The following ZPBP variants were observed in gnomAD, a reference collection of about 807,000 sequenced individuals.
The protein encoded by ZPBP is zona pellucida-binding protein 1.
Under a neutral mutation model 44.8 loss-of-function variants are expected in ZPBP, and 26 were observed. That is an observed-to-expected ratio of 0.58 (90% CI 0.43 to 0.81). ZPBP has a LOEUF of 0.81. Ranked by LOEUF, ZPBP falls within the 30% of genes least tolerant of loss-of-function variation. The probability of loss-of-function intolerance (pLI) is 0.00; values close to 1 mark genes in which losing one functional copy is unlikely to be tolerated. For synonymous variants in ZPBP, 174 were observed against 153.2 expected, an observed-to-expected ratio of 1.14 and a Z score of -1.00; for missense variants, 409 against 434.0, an observed-to-expected ratio of 0.94 and a Z score of 0.51.
the ZPBP span, among the ~76,000 whole-genome samples, chr7:49,841,294 G>T: frequency 6.8e-6 from 1 of 146,528 alleles, no homozygotes; most frequent in Admixed American, 6.9e-5. Context: ...AACAGCCTAA[G>T]ATGTTTACAC....
intron 7 of ZPBP, among the ~76,000 whole-genome samples, chr7:49,941,502 A>C (rs993101361): frequency 1.1e-4 from 17 of 152,302 alleles, no homozygotes; most frequent in African/African-American, 4.1e-4. Context: ...GTACATTAAC[A>C]ATAAACAATC....
At chr7:50,006,237 A>T (rs938650640) in intron 6 of ZPBP, among the ~76,000 whole-genome samples, 2 of 152,018 alleles carry the variant, frequency 1.3e-5, no homozygotes, top group African/African-American at 4.8e-5. Context: ...ATTAGTATGT[A>T]AATAGAGAAC....
chr7:49,911,676 C>A (rs1431024121), intron 1 of ZPBP, among the ~76,000 whole-genome samples: 1 of 151,708 alleles, frequency 6.6e-6, no homozygotes, highest in Admixed American at 6.6e-5. Flanking sequence ...GTGGGTGGAT[C>A]ACTTGAAGTC....
At position 49,931,551 on chromosome 7, in the gene ZPBP, AT is replaced by A. The variant is rs369795703; in HGVS notation, n.411+4199del. Among the ~76,000 whole-genome samples the A allele has an allele frequency of 2.7e-3, 416 of 152,300 alleles. 3 individuals are homozygous for A. The highest frequency in any genetic ancestry group is 9.3e-3 in the African/African-American group (387 of 41,570). On this transcript the variant is annotated intron_variant and non_coding_transcript_variant, in intron 1 of 2. Transcript: ENST00000465922. ...TGGAACTTTGAACTTGAGAGAGATG[AT>A]TTACGGTACCCAGTGGAAGAACCTT...
chr7:49,906,112 G>C (rs569341163), intron 1 of ZPBP, among the ~76,000 whole-genome samples: 65 of 152,242 alleles, frequency 4.3e-4, no homozygotes, highest in African/African-American at 1.4e-3. Context: ...TTTGTCTACG[G>C]AGTAGCCATT....
chr7:49,992,436 A>G (rs1797613658), intron 6 of ZPBP, among the ~76,000 whole-genome samples: 1 of 152,178 alleles, frequency 6.6e-6, no homozygotes, highest in Admixed American at 6.6e-5. Context: ...TTGAAAACAC[A>G]TAATGAATGG....
At chr7:50,009,149 A>C (rs1470571758) in intron 6 of ZPBP, among the ~76,000 whole-genome samples, 6 of 150,908 alleles carry the variant, frequency 4.0e-5, no homozygotes, top group Non-Finnish European at 7.4e-5. Context: ...AGGCAGGATT[A>C]TCACTTGAAC....
At chr7:49,945,162 C>T (rs1795050910) in intron 7 of ZPBP, among the ~76,000 whole-genome samples, 1 of 152,028 alleles carries the variant, frequency 6.6e-6, no homozygotes, top group Admixed American at 6.6e-5. Context: ...TTCAAAATTC[C>T]TCTTGTTATT....
At chr7:50,044,080 A>C (rs1048515322) in intron 4 of ZPBP, among the ~76,000 whole-genome samples, 1 of 152,208 alleles carries the variant, frequency 6.6e-6, no homozygotes, top group African/African-American at 2.4e-5. Flanking sequence ...TAAATGACAA[A>C]ATTAAGGCAG....
At chr7:49,898,893 A>T (rs1416346595) in intron 2 of ZPBP, among the ~76,000 whole-genome samples, 1 of 152,132 alleles carries the variant, frequency 6.6e-6, no homozygotes, top group Non-Finnish European at 1.5e-5. Flanking sequence ...TAAAGTGCTA[A>T]ATTAAAGCCA....
chr7:50,058,205 C>T (rs1801067203), intron 3 of ZPBP, 64 bp from the exon 4 acceptor site: 1 of 1,549,160 alleles, frequency 6.5e-7, no homozygotes, highest in African/African-American at 1.4e-5. Context: ...AAAACATTTT[C>T]TCAGCAAGGT....
At chr7:49,857,009 C>CAAAAAA (rs59910243) in intron 2 of ZPBP, among the ~76,000 whole-genome samples, 8 of 52,764 alleles carry the variant, frequency 1.5e-4, no homozygotes, top group Non-Finnish European at 2.2e-4. Context: ...GATACTGTCT[C>CAAAAAA]AAAAAAAAAA....
At chr7:49,983,893 G>T (rs931941078) in intron 6 of ZPBP, among the ~76,000 whole-genome samples, 1 of 151,258 alleles carries the variant, frequency 6.6e-6, no homozygotes. Context: ...TTATCCTGAG[G>T]CACAACATCA....
At chr7:49,984,040 G>A (rs1274643220) in intron 6 of ZPBP, among the ~76,000 whole-genome samples, 1 of 151,882 alleles carries the variant, frequency 6.6e-6, no homozygotes, top group East Asian at 1.9e-4. Flanking sequence ...AATTATACTG[G>A]CTTGCCTCCT....
intron 4 of ZPBP, among the ~76,000 whole-genome samples, chr7:50,042,340 C>T (rs1300779555): frequency 1.3e-5 from 2 of 152,148 alleles, no homozygotes; most frequent in Non-Finnish European, 2.9e-5. Flanking sequence ...CAAAGATACT[C>T]CTCAAGAAGA....
chr7:49,942,887 A>G (rs979863956), intron 7 of ZPBP: 1 of 165,760 alleles, frequency 6.0e-6, no homozygotes, highest in Non-Finnish European at 1.3e-5. Flanking sequence ...TCCAGTGACT[A>G]TTCTCTTCTT....
At chr7:49,931,686 C>T (rs1178904420) in intron 1 of ZPBP, among the ~76,000 whole-genome samples, 1 of 152,184 alleles carries the variant, frequency 6.6e-6, no homozygotes, top group Non-Finnish European at 1.5e-5. Context: ...AAATTCAAGC[C>T]AGCTGCAGAA....
At chr7:49,972,971 T>C (rs1201170472) in intron 7 of ZPBP, among the ~76,000 whole-genome samples, 1 of 151,888 alleles carries the variant, frequency 6.6e-6, no homozygotes, top group East Asian at 1.9e-4. Flanking sequence ...GACTATTCCA[T>C]GGGTAAAAGA....
At chr7:49,950,485 A>C (rs769121297) in intron 7 of ZPBP, among the ~76,000 whole-genome samples, 1 of 151,810 alleles carries the variant, frequency 6.6e-6, no homozygotes, top group Non-Finnish European at 1.5e-5. Context: ...AAAAACAATG[A>C]TCTCTATACT....
Sources: allele counts gnomAD v4.1 joint callset (sites outside exome capture counted in the v4.1 genomes callset), GRCh38; gene constraint gnomAD v4.1.1; transcripts MANE v1.5; gene names NCBI Gene and HGNC (gene_info 2026-07-23, HGNC 2026-07-21).